TXNIP: variants seen among roughly 807,000 people sequenced by gnomAD.
TXNIP encodes the protein thioredoxin interacting protein, also known as thioredoxin-interacting protein.
A neutral mutation model predicts 43.9 loss-of-function variants in TXNIP; 23 were observed. The ratio of observed to expected loss-of-function variants is 0.52; its 90% CI spans 0.38 to 0.74. The LOEUF (loss-of-function observed/expected upper bound fraction) is 0.74, where lower values mean the gene tolerates loss of function less well. Ranked by LOEUF, TXNIP falls within the 30% of genes least tolerant of loss-of-function variation. TXNIP has a pLI of 0.00. For missense variants in TXNIP, 555 were observed against 485.4 expected (o/e 1.14, Z -1.35); for synonymous variants, 234 against 172.2 (o/e 1.36, Z -2.81).
Position 145,995,421 on chromosome 1 carries a change from G to A in TXNIP, c.306C>T (p.Gly102=). The change falls in exon 2 of 8, where the codon GGC becomes GGT. Residue 102 remains glycine (G), a synonymous_variant. Coordinates refer to ENST00000582401, the MANE Select transcript of TXNIP (RefSeq NM_006472.6). The part of the protein sequence containing the change: ...RPGNKYEYKF[G]FELPQGPLGT... ...ATATTTACCCCTGAGGAAGCTCAAA[G>A]CCGAACTTGTACTCATATTTGTTTC... 1.9e-6 allele frequency: 3 copies of A among 1,613,916 alleles called. No individual in the cohort carries two copies.
rs782617329 is a variant in TXNIP, at chr1:145,994,532, G to A, written c.831+12C>T. ...ACAATTTCTCTGCTGAAGCCACCCT[G>A]CATCTACCCACCAGTAAGGAATATT... On this transcript the variant is annotated intron_variant, in intron 5 of 7. Coordinates refer to ENST00000582401, the MANE Select transcript of TXNIP (RefSeq NM_006472.6). The A allele has an allele frequency of 1.2e-6, 2 of 1,614,070 alleles. No homozygotes were observed. The highest frequency in any genetic ancestry group is 1.7e-6 in the Non-Finnish European group (2 of 1,179,982).
In TXNIP at chr1:145,993,735, G is replaced by T; in HGVS notation, c.*116C>A. The T allele has an allele frequency of 3.2e-6, 4 of 1,238,386 alleles. No individual in the cohort carries two copies. The highest frequency in any genetic ancestry group is 1.5e-5 in the African/African-American group (1 of 66,752). 76.7% of individuals were successfully genotyped at this position (1,238,386 alleles called of 1,614,324 possible). ...CACCTCCTACATTAGGAAGTCAGAG[G>T]CTAAGGTGGACCCACACTCCATTGC... On this transcript the variant is annotated 3_prime_UTR_variant, in exon 8 of 8. Transcript: ENST00000582401.
At position 145,995,006 on chromosome 1, in the gene TXNIP, TTTTC is replaced by T; in HGVS notation, c.493_496del (p.Glu165ArgfsTer65). The T allele has an allele frequency of 6.2e-7, 1 of 1,614,160 alleles. No individual in the cohort carries two copies. Among genetic ancestry groups the T allele is most frequent in the South Asian group, 1.1e-5 (1 of 91,086 alleles). ...AGGAATGAACATGCAGGAAACTTTC[TTTTC>T]TTTTTTAGCAGACACAGGTGCCTAT... On this transcript the variant is annotated frameshift_variant, in exon 4 of 8. Transcript: ENST00000582401. LOFTEE classifies it high-confidence loss of function.
chr1:145,994,430 A>G lies in TXNIP; in HGVS notation c.839T>C (p.Val280Ala). The G allele has an allele frequency of 6.2e-7, 1 of 1,613,820 alleles. No individual in the cohort carries two copies. Among genetic ancestry groups the G allele is most frequent in the Non-Finnish European group, 8.5e-7 (1 of 1,179,806 alleles). The change falls in exon 6 of 8, where the codon GTT (valine) becomes GCT (alanine). Residue 280 changes from valine (V) to alanine (A), a missense_variant. Val to Ala is a moderately conservative substitution (Grantham distance 64). Transcript: ENST00000582401. Reference sequence around the variant, plus strand: ...GACCTTCTTGGATCCAGGAACGCTAACATAGATCTAGAAAGGAAGATGGCA... The same window carrying G: ...GACCTTCTTGGATCCAGGAACGCTAGCATAGATCTAGAAAGGAAGATGGCA... ...LRVEYSLLIY[V>A]SVPGSKKVIL...
At chr1:145,995,784 C>T in intron 1 of TXNIP, 1 of 626,548 alleles carries the variant, frequency 1.6e-6, no homozygotes, top group Non-Finnish European at 2.7e-6. Context: ...CTACCCGAGG[C>T]AACGCCCCTC....
rs782333867 is a variant in TXNIP, at chr1:145,994,112, G to T, written c.1044C>A (p.Thr348=). Residue 348 remains threonine (T), a synonymous_variant, in exon 7 of 8, where the codon ACC becomes ACA. Transcript: ENST00000582401. Reference sequence around the variant, plus strand: ...CATCCATGTCATCTAGCAGAGGAGTGGTTGGGCTCTCCAATCGGTGATCTT... The same window carrying T: ...CATCCATGTCATCTAGCAGAGGAGTTGTTGGGCTCTCCAATCGGTGATCTT... The part of the protein sequence containing the change: ...IPEDHRLESP[T]TPLLDDMDGS... 5 of 1,614,186 alleles carry T rather than the reference G, an allele frequency of 3.1e-6. No individual in the cohort carries two copies. The highest frequency in any genetic ancestry group is 4.2e-6 in the Non-Finnish European group (5 of 1,180,040).
Position 145,994,576 on chromosome 1 carries a change from AG to A in TXNIP, c.798del (p.Cys267AlafsTer11), listed in dbSNP as rs1553766068. 2 of 1,614,222 alleles carry A rather than the reference AG, an allele frequency of 1.2e-6. No individual in the cohort carries two copies. On this transcript the variant is annotated frameshift_variant, in exon 5 of 8. Transcript: ENST00000582401. LOFTEE classifies it high-confidence loss of function. ...RVQKIRPSILGCNILRVEYSL... is the reference protein window; with the variant it reads ...RVQKIRPSILXCNILRVEYSL... ...GAATATTCAACTCGAAGGATGTTGC[AG>A]CCCAGGATAGAAGGCCTGATCTTCT... is the stretch of plus-strand genomic sequence containing the variant.
rs781802326 is a variant in TXNIP, at chr1:145,995,139, C to CT, written c.471+4dup. 11 of 1,614,064 alleles carry CT rather than the reference C, an allele frequency of 6.8e-6. No individual in the cohort carries two copies. In the African/African-American group the frequency reaches 1.3e-4, roughly 20 times the overall value. On this transcript the variant is annotated splice_donor_region_variant and intron_variant, in intron 3 of 7. Transcript: ENST00000582401. The stretch of plus-strand genomic sequence containing the variant: ...GGAGAATAGAATCTTTAAAATGGAT[C>CT]TCACCATTAAATCAGGGGTATTGAC...
At chr1:145,993,974 A>G (rs781932366) in intron 7 of TXNIP, 42 bp downstream of exon 7, 1 of 1,613,762 alleles carries the variant, frequency 6.2e-7, no homozygotes, top group Non-Finnish European at 8.5e-7. Flanking sequence ...CTTCTTATAG[A>G]AAGCTTAGGA....
intron 7 of TXNIP, 36 bp downstream of exon 7, chr1:145,993,973 GAAAGCTT>G: frequency 6.2e-7 from 1 of 1,613,718 alleles, no homozygotes; most frequent in Non-Finnish European, 8.5e-7. Context: ...ACTTCTTATA[GAAAGCTT>G]AGGACAAATT....
chr1:145,995,537 G>A, intron 1 of TXNIP, 61 bp from the exon 2 acceptor site: 1 of 1,502,990 alleles, frequency 6.7e-7, no homozygotes, highest in Non-Finnish European at 9.3e-7. Context: ...ATGCATCTGT[G>A]TGATAAGGAA....
Position 145,993,806 on chromosome 1 carries a change from CA to C in TXNIP, c.*44del. On this transcript the variant is annotated 3_prime_UTR_variant, in exon 8 of 8. Transcript: ENST00000582401. The stretch of plus-strand genomic sequence containing the variant: ...AAAAGTGAGTGTCCAGGAAGAGAGA[CA>C]AAAAGAAACAAGTAGGTAAAGCTGC... 2 of 1,611,986 alleles carry C rather than the reference CA, an allele frequency of 1.2e-6. No individual in the cohort carries two copies. Among genetic ancestry groups the C allele is most frequent in the Non-Finnish European group, 1.7e-6 (2 of 1,178,612 alleles).
In TXNIP at chr1:145,994,632, G is replaced by A. The variant is rs587752897; in HGVS notation, c.743C>T (p.Ala248Val). ...RGNHIISGTC[A>V]SWRGKSLRVQ... The stretch of plus-strand genomic sequence containing the variant: ...CCGAAGGCTCTTGCCACGCCATGAT[G>A]CGCATGTCCCTGAGATAATATGATT... Residue 248 changes from alanine to valine, a missense_variant, in exon 5 of 8, where the codon GCA (alanine) becomes GTA (valine). Transcript: ENST00000582401. The A allele has an allele frequency of 1.2e-6, 2 of 1,614,238 alleles. No individual in the cohort carries two copies. The highest frequency in any genetic ancestry group is 1.7e-5 in the Admixed American group (1 of 60,014).
chr1:145,994,393 C>G lies in TXNIP; in HGVS notation c.876G>C (p.Leu292=). The G allele has an allele frequency of 6.2e-7, 1 of 1,614,102 alleles. No homozygotes were observed. The highest frequency in any genetic ancestry group is 1.3e-5 in the African/African-American group (1 of 75,032). ...VPGSKKVILD[L]PLVIGSRSGL... ...CTGATCTGCTGCCAATTACCAGGGGCAGGTCAAGGATGACCTTCTTGGATC... is the reference window on the plus strand; with the variant it reads ...CTGATCTGCTGCCAATTACCAGGGGGAGGTCAAGGATGACCTTCTTGGATC... Residue 292 remains leucine (L), a synonymous_variant, in exon 6 of 8, where the codon CTG becomes CTC. Transcript: ENST00000582401.
In TXNIP at chr1:145,995,138, T is replaced by A; in HGVS notation, c.471+6A>T. On this transcript the variant is annotated splice_donor_region_variant and intron_variant, in intron 3 of 7. Coordinates refer to ENST00000582401, the MANE Select transcript of TXNIP (RefSeq NM_006472.6). Reference sequence around the variant, plus strand: ...AGGAGAATAGAATCTTTAAAATGGATCTCACCATTAAATCAGGGGTATTGA... The same window carrying A: ...AGGAGAATAGAATCTTTAAAATGGAACTCACCATTAAATCAGGGGTATTGA... The A allele has an allele frequency of 1.9e-6, 3 of 1,614,056 alleles. No homozygotes were observed. The highest frequency in any genetic ancestry group is 1.1e-5 in the South Asian group (1 of 91,070).
At position 145,992,900 on chromosome 1, in the gene TXNIP, C is replaced by T. The variant is rs587754573; in HGVS notation, c.*951G>A. On this transcript the variant is annotated 3_prime_UTR_variant, in exon 8 of 8. Transcript: ENST00000582401. ...CAGCAACCCTTTCACATGATTTAAG[C>T]GTTAGAATTATATAATTCTGTACAT... 2 of 152,700 alleles carry T rather than the reference C, an allele frequency of 1.3e-5. No individual in the cohort carries two copies. Among genetic ancestry groups the T allele is most frequent in the South Asian group, 2.1e-4 (1 of 4,828 alleles). 9.5% of individuals were successfully genotyped at this position (152,700 alleles called of 1,614,324 possible).
At position 145,994,073 on chromosome 1, in the gene TXNIP, G is replaced by T. The variant is rs782590225; in HGVS notation, c.1083C>A (p.Ser361Arg). The change falls in exon 7 of 8, where the codon AGC becomes AGA. Residue 361 changes from serine to arginine, a missense_variant. By Grantham distance (110) the Ser-to-Arg change is moderately radical. Transcript: ENST00000582401. ...ACTCAGGGGCATACATAAAGATAGG[G>T]CTGTCTTGAGAGCCATCCATGTCAT... ...LLDDMDGSQD[S>R]PIFMYAPEFK... The T allele has an allele frequency of 3.1e-6, 5 of 1,614,132 alleles. No individual in the cohort carries two copies. In the South Asian group the frequency reaches 5.5e-5, roughly 18 times the overall value.
rs1651310305 is a variant in TXNIP, at chr1:145,993,902, G to C, written c.1141-16C>G. ...AGGGATCCACCTAAAGAAAGAAACA[G>C]ACTATTTCAGTTCAGGTAAGAACAA... On this transcript the variant is annotated splice_polypyrimidine_tract_variant and intron_variant, in intron 7 of 7. Coordinates refer to ENST00000582401, the MANE Select transcript of TXNIP (RefSeq NM_006472.6). 1.2e-6 allele frequency: 2 copies of C among 1,614,166 alleles called. No homozygotes were observed. Among genetic ancestry groups the C allele is most frequent in the Non-Finnish European group, 1.7e-6 (2 of 1,180,014 alleles).
rs1553765665 is a variant in TXNIP, at chr1:145,993,217, A to G, written c.*634T>C. 3 of 140,920 alleles carry G rather than the reference A, an allele frequency of 2.1e-5. No individual in the cohort carries two copies. The highest frequency in any genetic ancestry group is 4.4e-5 in the Non-Finnish European group (3 of 68,022). 8.7% of individuals were successfully genotyped at this position (140,920 alleles called of 1,614,324 possible). A position where few individuals can be genotyped will look rare whatever the true frequency, so the allele number is the denominator to read the frequency against. ...TTACTACTGCTTTAAAAGCCAGGTTAAAGTATACTCTAAGCAAAGATGACC... is the reference window on the plus strand; with the variant it reads ...TTACTACTGCTTTAAAAGCCAGGTTGAAGTATACTCTAAGCAAAGATGACC... On this transcript the variant is annotated 3_prime_UTR_variant, in exon 8 of 8. Coordinates refer to ENST00000582401, the MANE Select transcript of TXNIP (RefSeq NM_006472.6).
Sources: gnomAD v4.1 joint callset for allele counts on GRCh38, gnomAD v4.1.1 for gene constraint, MANE v1.5 for transcripts, NCBI Gene and HGNC (gene_info 2026-07-23, HGNC 2026-07-21) for gene names.